Variants in AQP1 observed in about 807,000 individuals in gnomAD.
AQP1 encodes aquaporin 1 (Colton blood group).
Under a neutral mutation model 19.7 loss-of-function variants are expected in AQP1, and 11 were observed. The observed-to-expected ratio is 0.56, with a 90% CI of 0.35 to 0.92. AQP1 has a LOEUF of 0.92. Ranked by LOEUF, AQP1 falls within the 40% of genes least tolerant of loss-of-function variation. AQP1 has a pLI of 0.01. For missense variants in AQP1, 320 were observed against 369.7 expected (o/e 0.87, Z 1.10); for synonymous variants, 159 against 166.7 (o/e 0.95, Z 0.36).
rs556771402 is a variant in AQP1, at chr7:30,911,972, G to A, written c.63G>A (p.Thr21=). The change falls in exon 1 of 4, where the codon ACG becomes ACA. Residue 21 remains threonine (T), a synonymous_variant. Transcript: ENST00000311813. ...WRAVVAEFLA[T]TLFVFISIGS... ...CAGTGGTGGCCGAGTTCCTGGCCACGACCCTCTTTGTCTTCATCAGCATCG... is the reference window on the plus strand; with the variant it reads ...CAGTGGTGGCCGAGTTCCTGGCCACAACCCTCTTTGTCTTCATCAGCATCG... The A allele has an allele frequency of 2.2e-5, 36 of 1,613,454 alleles. No homozygotes were observed. Among genetic ancestry groups the A allele is most frequent in the African/African-American group, 2.7e-5 (2 of 74,948 alleles).
rs779776693 is a variant in AQP1, at chr7:30,912,056, C to T, written c.147C>T (p.Asn49=). ...VGNNQTAVQD[N]VKVSLAFGLS... ...ACAACCAGACGGCGGTCCAGGACAA[C>T]GTGAAGGTGTCGCTGGCCTTCGGGC... Residue 49 remains asparagine, a synonymous_variant, in exon 1 of 4, where the codon AAC becomes AAT. Coordinates refer to ENST00000311813, the MANE Select transcript of AQP1 (RefSeq NM_198098.4). This position sits in a 1 kb window ranked among gnomAD's most constrained non-coding sequence, Gnocchi z 4.3. 34 of 1,613,376 alleles carry T rather than the reference C, an allele frequency of 2.1e-5. No individual in the cohort carries two copies. The highest frequency in any genetic ancestry group is 1.6e-4 in the East Asian group (7 of 44,902).
intron 1 of AQP1, chr7:30,921,621 T>G: frequency 1.9e-6 from 3 of 1,550,672 alleles, no homozygotes; most frequent in Non-Finnish European, 1.7e-6. Context: ...TTCTGGACTT[T>G]TGGGTATGAA....
intron 2 of AQP1, 147 bp from the exon 3 acceptor site, chr7:30,922,417 G>A (rs1195473663): frequency 6.2e-6 from 8 of 1,280,670 alleles, no homozygotes; most frequent in South Asian, 1.2e-5. Context: ...CTCCTGCCCA[G>A]CTTGGGGTCA....
chr7:30,913,582 G>A (rs886989071), intron 1 of AQP1, among the ~76,000 whole-genome samples: 18 of 152,258 alleles, frequency 1.2e-4, no homozygotes, highest in Non-Finnish European at 1.9e-4. Flanking sequence ...TCGCTTCCCA[G>A]CCAAAGTTCA....
chr7:30,921,336 G>T, intron 1 of AQP1: 1 of 1,354,776 alleles, frequency 7.4e-7, no homozygotes, highest in South Asian at 2.3e-5. Flanking sequence ...GCCAGACGGT[G>T]GTGGCGGGGC....
intron 1 of AQP1, among the ~76,000 whole-genome samples, chr7:30,919,869 T>A (rs765840): frequency 0.22 from 34,155 of 152,066 alleles, 6,416 homozygotes; most frequent in African/African-American, 0.51. Flanking sequence ...ATGTTGAAGC[T>A]ATCAGGGGAG....
chr7:30,915,354 C>T (rs1253571003), intron 1 of AQP1, among the ~76,000 whole-genome samples: 4 of 143,920 alleles, frequency 2.8e-5, no homozygotes, highest in African/African-American at 1.1e-4. Flanking sequence ...TAAGAGGTGT[C>T]AGGGCGGGCC....
rs1464085937 is a variant in AQP1, at chr7:30,922,075, G to A, written c.394G>A (p.Gly132Ser). Residue 132 changes from glycine (G) to serine (S), a missense_variant, in exon 2 of 4, where the codon GGT becomes AGT. Physicochemically the swap from Gly to Ser is moderately conservative, Grantham distance 56. Transcript: ENST00000311813. ...CCTCTCTCCCCTGCAGCTGGCTGAT[G>A]GTGTGAACTCGGGCCAGGGCCTGGG... ...NSLGRNDLADGVNSGQGLGIE... is the reference protein window; with the variant it reads ...NSLGRNDLADSVNSGQGLGIE... 1 of 1,613,966 alleles carries A rather than the reference G, an allele frequency of 6.2e-7. No homozygotes were observed. The highest frequency in any genetic ancestry group is 1.3e-5 in the African/African-American group (1 of 75,044).
In AQP1 at chr7:30,922,084, T is replaced by G; in HGVS notation, c.403T>G (p.Ser135Ala). Residue 135 changes from serine (S) to alanine (A), a missense_variant, in exon 2 of 4, where the codon TCG becomes GCG. Ser to Ala is a moderately conservative substitution (Grantham distance 99). Coordinates refer to ENST00000311813, the MANE Select transcript of AQP1 (RefSeq NM_198098.4). ...CCTGCAGCTGGCTGATGGTGTGAAC[T>G]CGGGCCAGGGCCTGGGCATCGAGAT... ...GRNDLADGVNSGQGLGIEIIG... is the reference protein window; with the variant it reads ...GRNDLADGVNAGQGLGIEIIG... The G allele has an allele frequency of 6.2e-7, 1 of 1,614,058 alleles. No individual in the cohort carries two copies. The highest frequency in any genetic ancestry group is 8.5e-7 in the Non-Finnish European group (1 of 1,180,018).
intron 1 of AQP1, among the ~76,000 whole-genome samples, chr7:30,921,056 G>T (rs1053089592): frequency 6.6e-6 from 1 of 152,228 alleles, no homozygotes; most frequent in Admixed American, 6.5e-5. Context: ...GTGTTTGGGT[G>T]CACCAGCCCT....
rs1791197250 is a variant in AQP1 at position 30,912,649 on chromosome 7, C to A, written c.384+356C>A. 6.6e-6 allele frequency among the ~76,000 whole-genome samples: 1 copy of A among 152,220 alleles called. No individual in the cohort carries two copies. Among genetic ancestry groups the A allele is most frequent in the Non-Finnish European group, 1.5e-5 (1 of 68,042 alleles). On this transcript the variant is annotated intron_variant, in intron 1 of 3. Transcript: ENST00000311813. This position sits in a 1 kb window ranked among gnomAD's most constrained non-coding sequence, Gnocchi z 4.3. Reference sequence around the variant, plus strand: ...CTGCCTGTGCCGCCAGCTCCCTCCTCCTGCAGCCCTGCACCCTGGGGAAAC... The same window carrying A: ...CTGCCTGTGCCGCCAGCTCCCTCCTACTGCAGCCCTGCACCCTGGGGAAAC...
At position 30,924,900 on chromosome 7, in the gene AQP1, G is replaced by T. The variant is rs992926926; in HGVS notation, c.*1271G>T. 1 of 152,288 alleles carries T rather than the reference G, an allele frequency of 6.6e-6. No homozygotes were observed. The highest frequency in any genetic ancestry group is 1.5e-5 in the Non-Finnish European group (1 of 68,098). The allele number at this position is 152,288 out of a possible 1,614,324, so 9.4% of individuals were successfully genotyped here. A position where few individuals can be genotyped will look rare whatever the true frequency, so the allele number is the denominator to read the frequency against. ...GCCTTCCCTCTGCATTGACCTGGAG[G>T]GGAGAGGTCAGCCTTGACCTAATGA... On this transcript the variant is annotated 3_prime_UTR_variant, in exon 4 of 4. Transcript: ENST00000311813.
intron 1 of AQP1, chr7:30,921,443 G>T: frequency 6.9e-7 from 1 of 1,448,404 alleles, no homozygotes; most frequent in African/African-American, 1.4e-5. Flanking sequence ...GAAGCAATGG[G>T]AGACAGGCCT....
In AQP1 at chr7:30,922,243, C is replaced by T. The variant is rs374138136; in HGVS notation, c.549+13C>T. 2.3e-5 allele frequency: 36 copies of T among 1,585,870 alleles called. No homozygotes were observed. In the African/African-American group the frequency reaches 4.0e-4, roughly 18 times the overall value. On this transcript the variant is annotated intron_variant, in intron 2 of 3. Transcript: ENST00000311813. ...ACACCTCCTGGCTGTGAGTCAGGGG[C>T]CCTCCCAGATGGAGGTGGGGGAAGG...
intron 1 of AQP1, among the ~76,000 whole-genome samples, chr7:30,914,711 C>G (rs764245637): frequency 2.0e-4 from 30 of 152,222 alleles, no homozygotes; most frequent in Middle Eastern, 3.2e-3. Context: ...TGCAGCCTCT[C>G]TGGCCCTGAG....
chr7:30,922,296 C>A (rs1039646963), intron 2 of AQP1, 66 bp downstream of exon 2: 1 of 1,520,556 alleles, frequency 6.6e-7, no homozygotes, highest in African/African-American at 1.4e-5. Context: ...GGGTGCCCTG[C>A]CATGGGCAGC....
intron 1 of AQP1, among the ~76,000 whole-genome samples, chr7:30,918,053 G>A (rs1010556669): frequency 4.0e-5 from 6 of 151,274 alleles, no homozygotes; most frequent in Non-Finnish European, 8.8e-5. Context: ...GGAGTGCAGT[G>A]GCACCATCTC....
chr7:30,922,832 C>G (rs77702304), intron 3 of AQP1, among the ~76,000 whole-genome samples, 188 bp downstream of exon 3: 143 of 152,334 alleles, frequency 9.4e-4, no homozygotes, highest in Middle Eastern at 6.8e-3. Flanking sequence ...CAGGCCTAGT[C>G]TCTGCCCTCC....
rs2267718 is a variant in AQP1 at position 30,916,605 on chromosome 7, G to T, written c.384+4312G>T. 2.0e-4 allele frequency among the ~76,000 whole-genome samples: 31 copies of T among 152,362 alleles called. No homozygotes were observed. In the East Asian group the frequency reaches 5.8e-3, roughly 28 times the overall value. On this transcript the variant is annotated intron_variant, in intron 1 of 3. Transcript: ENST00000311813. The stretch of plus-strand genomic sequence containing the variant: ...GATCATGAGGGGCTGTCTTCACTCA[G>T]CCAGGAGCTACAGTTCTGTGGGGTG...
Sources: allele counts gnomAD v4.1 joint callset (sites outside exome capture counted in the v4.1 genomes callset), GRCh38; gene constraint gnomAD v4.1.1; non-coding constraint Gnocchi (gnomAD v3.1); transcripts MANE v1.5; gene names NCBI Gene and HGNC (gene_info 2026-07-23, HGNC 2026-07-21).